Variants in RNF152 observed in about 807,000 individuals in gnomAD.
RNF152 encodes E3 ubiquitin-protein ligase RNF152.
RNF152 carries 11 observed loss-of-function variants against 12.7 expected under a neutral mutation model. The ratio of observed to expected loss-of-function variants is 0.86; its 90% CI spans 0.54 to 1.43. The LOEUF (loss-of-function observed/expected upper bound fraction) is 1.43, where lower values mean the gene tolerates loss of function less well. RNF152 is among the 40% of genes most tolerant of loss of function. The pLI is 0.00. For missense variants in RNF152, 255 were observed against 274.8 expected, an observed-to-expected ratio of 0.93 and a Z score of 0.51; for synonymous variants, 113 against 120.3, an observed-to-expected ratio of 0.94 and a Z score of 0.40.
chr18:61,832,793 TTAG>T (rs1427401417), intron 1 of RNF152, among the ~76,000 whole-genome samples: 2 of 152,200 alleles, frequency 1.3e-5, no homozygotes, highest in African/African-American at 4.8e-5. Context: ...CACCATATTA[TTAG>T]GTCTTGCCAG....
At chr18:61,873,555 G>C (rs935160058) in intron 1 of RNF152, among the ~76,000 whole-genome samples, 3 of 152,106 alleles carry the variant, frequency 2.0e-5, no homozygotes, top group Non-Finnish European at 4.4e-5. Context: ...GGCTGGTCTT[G>C]AACTCCTGAC....
At position 61,813,036 on chromosome 18, in the gene RNF152, C is replaced by A. The variant is rs150505350; in HGVS notation, c.*2816G>T. On this transcript the variant is annotated 3_prime_UTR_variant, in exon 2 of 2. Coordinates refer to ENST00000312828, the MANE Select transcript of RNF152 (RefSeq NM_173557.3). ...AAACGGACTCATCTACAAAATGAAGCCACCGGAGGCTGCTTTCAGCTCTTT... is the reference window on the plus strand; with the variant it reads ...AAACGGACTCATCTACAAAATGAAGACACCGGAGGCTGCTTTCAGCTCTTT... The A allele has an allele frequency of 1.3e-5, 2 of 152,234 alleles. No individual in the cohort carries two copies. Among genetic ancestry groups the A allele is most frequent in the East Asian group, 1.9e-4 (1 of 5,176 alleles). The allele number at this position is 152,234 out of a possible 1,614,324, so 9.4% of individuals were successfully genotyped here. A position where few individuals can be genotyped will look rare whatever the true frequency, so the allele number is the denominator to read the frequency against.
At chr18:61,842,908 T>A (rs1326993492) in intron 1 of RNF152, among the ~76,000 whole-genome samples, 1 of 152,202 alleles carries the variant, frequency 6.6e-6, no homozygotes, top group Non-Finnish European at 1.5e-5. Context: ...ATCAGGTCCC[T>A]CTGACAACAT....
At chr18:61,869,631 G>A (rs564661460) in intron 1 of RNF152, among the ~76,000 whole-genome samples, 3 of 152,292 alleles carry the variant, frequency 2.0e-5, no homozygotes, top group African/African-American at 4.8e-5. Flanking sequence ...ATCCAGGAGG[G>A]TGCCAGGAAG....
chr18:61,822,609 T>C (rs1013963839), intron 1 of RNF152, among the ~76,000 whole-genome samples: 2 of 152,210 alleles, frequency 1.3e-5, no homozygotes, highest in African/African-American at 4.8e-5. Flanking sequence ...AAAAAGCCAG[T>C]GAAGTAGATA....
At chr18:61,886,757 T>C (rs1001405172) in intron 1 of RNF152, among the ~76,000 whole-genome samples, 47 of 152,230 alleles carry the variant, frequency 3.1e-4, no homozygotes, top group African/African-American at 1.1e-3. Flanking sequence ...TTGAGTGAAT[T>C]TCTATTCTTT....
chr18:61,829,946 C>T (rs1909860526), intron 1 of RNF152, among the ~76,000 whole-genome samples: 1 of 151,914 alleles, frequency 6.6e-6, no homozygotes, highest in Non-Finnish European at 1.5e-5. Flanking sequence ...ACTATTTTAG[C>T]CATTTGAAAG....
At chr18:61,821,279 C>G (rs1909393581) in intron 1 of RNF152, among the ~76,000 whole-genome samples, 2 of 152,208 alleles carry the variant, frequency 1.3e-5, no homozygotes, top group South Asian at 4.1e-4. Context: ...TTATCCTATT[C>G]CATTTCCAAC....
intron 1 of RNF152, among the ~76,000 whole-genome samples, chr18:61,837,072 AG>A (rs1910221617): frequency 6.6e-6 from 1 of 152,204 alleles, no homozygotes; most frequent in Non-Finnish European, 1.5e-5. Context: ...ATGCTTCCCA[AG>A]GTGATGCAAT....
chr18:61,854,593 T>C (rs550902782), intron 1 of RNF152, among the ~76,000 whole-genome samples: 3 of 152,308 alleles, frequency 2.0e-5, no homozygotes, highest in South Asian at 2.1e-4. Context: ...GAGCCTCAAT[T>C]AGTCATCTTT....
chr18:61,882,253 C>T (rs532956196), intron 1 of RNF152, among the ~76,000 whole-genome samples: 5 of 152,304 alleles, frequency 3.3e-5, no homozygotes, highest in African/African-American at 9.6e-5. Context: ...TGCAGAGAAA[C>T]GAACTCTTTG....
intron 1 of RNF152, among the ~76,000 whole-genome samples, chr18:61,856,322 G>C (rs1911225676): frequency 6.6e-6 from 1 of 152,116 alleles, no homozygotes; most frequent in African/African-American, 2.4e-5. Context: ...TCCTGTCCTG[G>C]GAACACTACA....
intron 1 of RNF152, among the ~76,000 whole-genome samples, chr18:61,840,853 G>C (rs1421499277): frequency 6.6e-6 from 1 of 152,184 alleles, no homozygotes; most frequent in African/African-American, 2.4e-5. Flanking sequence ...GTTCTCTCCA[G>C]CTAGTTTTGC....
rs1347466742 is a variant in RNF152 at position 61,812,564 on chromosome 18, T to C, written c.*3288A>G. 1 of 152,206 alleles carries C rather than the reference T, an allele frequency of 6.6e-6. No homozygotes were observed. Among genetic ancestry groups the C allele is most frequent in the Non-Finnish European group, 1.5e-5 (1 of 68,038 alleles). 9.4% of individuals were successfully genotyped at this position (152,206 alleles called of 1,614,324 possible). ...TACAAAATTTTTCCAAAGACAATGC[T>C]TCTTAGTAGCATTCTTGGCTCTACT... On this transcript the variant is annotated 3_prime_UTR_variant, in exon 2 of 2. Coordinates refer to ENST00000312828, the MANE Select transcript of RNF152 (RefSeq NM_173557.3).
intron 1 of RNF152, among the ~76,000 whole-genome samples, chr18:61,844,158 G>GAGAA (rs1212994020): frequency 1.5e-5 from 1 of 68,418 alleles, no homozygotes; most frequent in Non-Finnish European, 4.5e-5. Context: ...GAAAAGGAAG[G>GAGAA]AAGGGAGGAA....
chr18:61,875,355 A>T (rs982804464), intron 1 of RNF152, among the ~76,000 whole-genome samples: 1 of 152,242 alleles, frequency 6.6e-6, no homozygotes, highest in Admixed American at 6.5e-5. Context: ...GGGAATAATA[A>T]ATATAAGTTA....
intron 1 of RNF152, among the ~76,000 whole-genome samples, chr18:61,824,683 T>C (rs1909577731): frequency 6.6e-6 from 1 of 152,218 alleles, no homozygotes; most frequent in South Asian, 2.1e-4. Context: ...ATATTCCTAT[T>C]ACCCAAACTT....
chr18:61,891,573 T>C (rs1410666122), intron 1 of RNF152, among the ~76,000 whole-genome samples: 1 of 152,198 alleles, frequency 6.6e-6, no homozygotes, highest in Non-Finnish European at 1.5e-5. Flanking sequence ...AAAATACCTC[T>C]ATCTTAGCAC....
chr18:61,883,783 C>G (rs888240945), intron 1 of RNF152, among the ~76,000 whole-genome samples: 5 of 152,144 alleles, frequency 3.3e-5, no homozygotes, highest in Admixed American at 6.5e-5. Context: ...AAGGAAGACT[C>G]AGGTTGCCTG....
Sources: gnomAD v4.1 joint callset for allele counts (sites outside exome capture counted in the v4.1 genomes callset) on GRCh38, gnomAD v4.1.1 for gene constraint, MANE v1.5 for transcripts, NCBI Gene and HGNC (gene_info 2026-07-23, HGNC 2026-07-21) for gene names.